ERBB4: variants seen among roughly 807,000 people sequenced by gnomAD.
The protein encoded by ERBB4 is receptor tyrosine-protein kinase erbB-4.
A neutral mutation model predicts 158.0 loss-of-function variants in ERBB4; 42 were observed. The observed-to-expected ratio is 0.27, with a 90% confidence interval of 0.21 to 0.34. ERBB4 has a LOEUF of 0.34. Ranked by LOEUF, ERBB4 falls within the 10% of genes least tolerant of loss-of-function variation. The probability of loss-of-function intolerance (pLI) is 1.00; values close to 1 mark genes in which losing one functional copy is unlikely to be tolerated. For synonymous variants in ERBB4, 583 were observed against 558.7 expected (o/e 1.04, Z -0.61); for missense variants, 1,333 against 1,624.1 (o/e 0.82, Z 3.08).
intron 2 of ERBB4, among the ~76,000 whole-genome samples, chr2:212,046,395 C>T (rs1467523463): frequency 1.3e-5 from 2 of 152,098 alleles, no homozygotes; most frequent in Non-Finnish European, 2.9e-5. Flanking sequence ...ACCCTACCCA[C>T]TATGCAACAA....
chr2:211,465,261 T>C (rs970290551), intron 20 of ERBB4, among the ~76,000 whole-genome samples: 1 of 151,260 alleles, frequency 6.6e-6, no homozygotes, highest in Non-Finnish European at 1.5e-5. Flanking sequence ...CTTGAATATT[T>C]TGACCTCAGC....
intron 3 of ERBB4, among the ~76,000 whole-genome samples, chr2:211,838,396 A>C (rs2105991158): frequency 6.6e-6 from 1 of 152,256 alleles, no homozygotes; most frequent in South Asian, 2.1e-4. Context: ...AACACATGTT[A>C]AATATCACAT....
At chr2:212,124,653 G>GA in intron 2 of ERBB4, 99 bp downstream of exon 2, 1 of 1,366,666 alleles carries the variant, frequency 7.3e-7, no homozygotes, top group Non-Finnish European at 1.0e-6. Context: ...CTGCCAGGCA[G>GA]AAGAGCACCC....
intron 1 of ERBB4, among the ~76,000 whole-genome samples, chr2:212,342,835 C>G (rs2088789186): frequency 1.3e-5 from 2 of 152,260 alleles, no homozygotes; most frequent in East Asian, 3.9e-4. Flanking sequence ...TTTGTAAACA[C>G]ATTTTAAAAG....
chr2:212,290,681 C>T (rs202058183), intron 1 of ERBB4, among the ~76,000 whole-genome samples: 5 of 150,510 alleles, frequency 3.3e-5, no homozygotes, highest in East Asian at 1.9e-4. Flanking sequence ...TGTGTGTGTG[C>T]GTGTGTGCAC....
chr2:212,064,313 C>A (rs532831865), intron 2 of ERBB4, among the ~76,000 whole-genome samples: 1 of 152,142 alleles, frequency 6.6e-6, no homozygotes, highest in African/African-American at 2.4e-5. Flanking sequence ...GGGCAGTGTA[C>A]TAAATACATG....
intron 2 of ERBB4, among the ~76,000 whole-genome samples, chr2:212,098,494 G>C (rs1189987874): frequency 1.3e-5 from 2 of 152,056 alleles, no homozygotes; most frequent in Non-Finnish European, 2.9e-5. Flanking sequence ...ATAGAGTTTG[G>C]TCTTTGATAG....
At chr2:211,683,386 C>T (rs2072434678) in intron 12 of ERBB4, among the ~76,000 whole-genome samples, 1 of 152,106 alleles carries the variant, frequency 6.6e-6, no homozygotes, top group Non-Finnish European at 1.5e-5. Flanking sequence ...ATCTCTTCTC[C>T]ATTACTATAA....
At chr2:211,974,037 A>G (rs889216159) in intron 2 of ERBB4, among the ~76,000 whole-genome samples, 5 of 152,228 alleles carry the variant, frequency 3.3e-5, no homozygotes, top group African/African-American at 1.2e-4. Flanking sequence ...CAATGAGAAC[A>G]CATGGACACA....
intron 4 of ERBB4, among the ~76,000 whole-genome samples, chr2:211,768,983 A>G (rs1308931416): frequency 1.3e-5 from 2 of 152,328 alleles, no homozygotes; most frequent in East Asian, 1.9e-4. Flanking sequence ...CTTTTTAAAC[A>G]TAAGTTCAAA....
intron 2 of ERBB4, among the ~76,000 whole-genome samples, chr2:212,047,445 G>A (rs1181091051): frequency 6.6e-6 from 1 of 151,768 alleles, no homozygotes; most frequent in Middle Eastern, 3.2e-3. Context: ...CATTCTTGAA[G>A]ATTCTCCTTC....
At chr2:211,854,977 A>G (rs928917285) in intron 3 of ERBB4, among the ~76,000 whole-genome samples, 1 of 152,170 alleles carries the variant, frequency 6.6e-6, no homozygotes, top group East Asian at 1.9e-4. Flanking sequence ...ACTCCCACCT[A>G]TAGTGTATAT....
intron 15 of ERBB4, among the ~76,000 whole-genome samples, chr2:211,659,938 C>T (rs2071355992): frequency 6.6e-6 from 1 of 151,984 alleles, no homozygotes; most frequent in South Asian, 2.1e-4. Context: ...GCATGATAAC[C>T]CTCTTAGGGG....
At chr2:211,596,585 T>C (rs1281298328) in intron 19 of ERBB4, among the ~76,000 whole-genome samples, 2 of 152,156 alleles carry the variant, frequency 1.3e-5, no homozygotes, top group Non-Finnish European at 2.9e-5. Flanking sequence ...TCTTCTCTTT[T>C]CCAGCACCCT....
chr2:212,528,127 T>C (rs973632448), intron 1 of ERBB4, among the ~76,000 whole-genome samples: 4 of 151,954 alleles, frequency 2.6e-5, no homozygotes, highest in Non-Finnish European at 4.4e-5. Context: ...CCTTAACTGA[T>C]AGATTTATTA....
intron 2 of ERBB4, among the ~76,000 whole-genome samples, chr2:211,966,747 T>C (rs1256166009): frequency 6.6e-6 from 1 of 152,144 alleles, no homozygotes; most frequent in Non-Finnish European, 1.5e-5. Context: ...TGTAGTTCTC[T>C]AGAGGCAGTA....
chr2:212,496,333 T>A (rs1025565968), intron 1 of ERBB4, among the ~76,000 whole-genome samples: 1 of 152,000 alleles, frequency 6.6e-6, no homozygotes, highest in East Asian at 1.9e-4. Flanking sequence ...ATATTCTTCA[T>A]GTGCACGTGC....
intron 25 of ERBB4, among the ~76,000 whole-genome samples, chr2:211,415,681 T>G (rs2063374119): frequency 6.6e-6 from 1 of 152,062 alleles, no homozygotes; most frequent in Non-Finnish European, 1.5e-5. Context: ...GAGAGCAAAG[T>G]GATATGGTGT....
chr2:212,538,641 G>A lies in ERBB4; in HGVS notation c.-111C>T. ...CCGGGCGCGCGTGGGGGTGCGAGGG[G>A]GGCGGGCGCGGCGCGCGCGGTGTGG... On this transcript the variant is annotated 5_prime_UTR_variant, in exon 1 of 28. Coordinates refer to ENST00000342788, the MANE Select transcript of ERBB4 (RefSeq NM_005235.3). The A allele has an allele frequency of 1.8e-6, 2 of 1,126,722 alleles. No homozygotes were observed. The highest frequency in any genetic ancestry group is 1.9e-5 in the Admixed American group (1 of 51,798). 69.8% of individuals were successfully genotyped at this position (1,126,722 alleles called of 1,614,324 possible).
Sources: allele counts gnomAD v4.1 joint callset (sites outside exome capture counted in the v4.1 genomes callset), GRCh38; gene constraint gnomAD v4.1.1; transcripts MANE v1.5; gene names NCBI Gene and HGNC (gene_info 2026-07-23, HGNC 2026-07-21).